The following MAGI1 variants were observed in gnomAD, a reference collection of about 807,000 sequenced individuals.
MAGI1 encodes membrane-associated guanylate kinase, WW and PDZ domain-containing protein 1.
Under a neutral mutation model 139.9 loss-of-function variants are expected in MAGI1, and 58 were observed. That is an observed-to-expected ratio of 0.41 (90% CI 0.34 to 0.52). The LOEUF (loss-of-function observed/expected upper bound fraction) is 0.52. MAGI1 is among the 20% of genes least tolerant of loss of function. The pLI, the probability that MAGI1 is intolerant of heterozygous loss-of-function variation, is 0.12. For missense variants in MAGI1, 1,874 were observed against 1,901.6 expected, an observed-to-expected ratio of 0.99 and a Z score of 0.27; for synonymous variants, 812 against 737.9, an observed-to-expected ratio of 1.10 and a Z score of -1.63.
At chr3:65,690,824 T>C (rs369497140) in intron 1 of MAGI1, among the ~76,000 whole-genome samples, 3 of 123,238 alleles carry the variant, frequency 2.4e-5, no homozygotes, top group East Asian at 4.5e-4. Flanking sequence ...TATTATAGTC[T>C]ATGTTAAAAA....
chr3:65,437,174 G>A lies in MAGI1; in HGVS notation c.1344C>T (p.Ala448=). 6.2e-7 allele frequency: 1 copy of A among 1,608,326 alleles called. No homozygotes were observed. Among genetic ancestry groups the A allele is most frequent in the Non-Finnish European group, 8.5e-7 (1 of 1,175,180 alleles). ...CTTTACCCTGAAGTGGAACTTCTCTGGCTGGCTCTGGATTGCTTGGAGGGT... is the reference window on the plus strand; with the variant it reads ...CTTTACCCTGAAGTGGAACTTCTCTAGCTGGCTCTGGATTGCTTGGAGGGT... ...PNHPPSNPEP[A]REVPLQGKPF... Residue 448 remains alanine, a synonymous_variant, in exon 10 of 23, where the codon GCC becomes GCT. Coordinates refer to ENST00000402939, the MANE Select transcript of MAGI1 (RefSeq NM_001033057.2).
At chr3:66,014,769 T>A (rs945443046) in intron 1 of MAGI1, among the ~76,000 whole-genome samples, 2 of 152,198 alleles carry the variant, frequency 1.3e-5, no homozygotes, top group Non-Finnish European at 2.9e-5. Flanking sequence ...AAAGGACACA[T>A]GCTATCTCAT....
At chr3:65,716,577 T>C (rs73832932) in intron 1 of MAGI1, among the ~76,000 whole-genome samples, 1,735 of 152,282 alleles carry the variant, frequency 0.011, 34 homozygotes, top group African/African-American at 0.04. Context: ...AATTCCCAGC[T>C]CTTTAAAATC....
chr3:65,655,514 T>C (rs558614469), intron 1 of MAGI1, among the ~76,000 whole-genome samples: 10 of 152,288 alleles, frequency 6.6e-5, no homozygotes, highest in African/African-American at 2.4e-4. Context: ...GATCTATTAA[T>C]TCAAAGAGTT....
chr3:65,799,988 G>A (rs562515163), intron 1 of MAGI1, among the ~76,000 whole-genome samples: 15 of 152,246 alleles, frequency 9.9e-5, no homozygotes, highest in African/African-American at 2.6e-4. Context: ...TTAATACTAC[G>A]TTTCCCAATT....
At chr3:65,850,554 G>C (rs1474932084) in intron 1 of MAGI1, among the ~76,000 whole-genome samples, 1 of 152,182 alleles carries the variant, frequency 6.6e-6, no homozygotes, top group African/African-American at 2.4e-5. Context: ...TTAAAACAAA[G>C]ATATATAATA....
At chr3:65,521,889 A>G (rs986976352) in intron 2 of MAGI1, among the ~76,000 whole-genome samples, 1 of 152,184 alleles carries the variant, frequency 6.6e-6, no homozygotes, top group Non-Finnish European at 1.5e-5. Context: ...CTGATTGCTT[A>G]TTTCAATGGG....
At chr3:65,406,650 G>T (rs1011699266) in intron 12 of MAGI1, among the ~76,000 whole-genome samples, 2 of 151,810 alleles carry the variant, frequency 1.3e-5, no homozygotes, top group Non-Finnish European at 2.9e-5. Flanking sequence ...GAACACATGG[G>T]ATACCTTACA....
intron 1 of MAGI1, among the ~76,000 whole-genome samples, chr3:65,973,312 C>T (rs1266569161): frequency 2.6e-5 from 4 of 152,098 alleles, no homozygotes; most frequent in African/African-American, 7.2e-5. Context: ...AGTTCTCTAA[C>T]CTGGTATTTT....
At chr3:65,429,418 A>T in intron 12 of MAGI1, 102 bp downstream of exon 12, 1 of 1,214,414 alleles carries the variant, frequency 8.2e-7, no homozygotes, top group Non-Finnish European at 1.1e-6. Context: ...TGAAACATTT[A>T]AATAAATTTA....
At chr3:65,766,643 A>T (rs1015233192) in intron 1 of MAGI1, among the ~76,000 whole-genome samples, 2 of 152,064 alleles carry the variant, frequency 1.3e-5, no homozygotes, top group African/African-American at 2.4e-5. Flanking sequence ...TAATCCCAAC[A>T]CTTTGGGAGG....
At chr3:65,785,419 G>A (rs758358465) in intron 1 of MAGI1, among the ~76,000 whole-genome samples, 3 of 152,114 alleles carry the variant, frequency 2.0e-5, no homozygotes, top group Admixed American at 6.5e-5. Context: ...TTGGTGACAG[G>A]TTGAAAAATC....
At chr3:65,574,281 G>T (rs2108085423) in intron 2 of MAGI1, among the ~76,000 whole-genome samples, 1 of 150,256 alleles carries the variant, frequency 6.7e-6, no homozygotes, top group African/African-American at 2.4e-5. Context: ...TGCTTGCCAT[G>T]GGGGTTTTCT....
intron 1 of MAGI1, among the ~76,000 whole-genome samples, chr3:65,975,092 TAA>T (rs35610967): frequency 7.5e-5 from 11 of 147,262 alleles, no homozygotes; most frequent in South Asian, 2.1e-4. Flanking sequence ...AATAGCTATT[TAA>T]AAAAAAAAAA....
intron 2 of MAGI1, among the ~76,000 whole-genome samples, chr3:65,519,028 C>A (rs2078029564): frequency 1.3e-5 from 2 of 152,018 alleles, no homozygotes; most frequent in Admixed American, 6.6e-5. Context: ...GAGCCATGGG[C>A]CAGGCCTGGA....
At chr3:65,871,496 G>A (rs1003923539) in intron 1 of MAGI1, among the ~76,000 whole-genome samples, 3 of 152,188 alleles carry the variant, frequency 2.0e-5, no homozygotes, top group African/African-American at 7.2e-5. Context: ...GGGAAAGAGA[G>A]GAAAATAACT....
chr3:65,645,870 G>T (rs1436663830), intron 1 of MAGI1, among the ~76,000 whole-genome samples: 1 of 151,622 alleles, frequency 6.6e-6, no homozygotes, highest in African/African-American at 2.4e-5. Context: ...TATATATAAT[G>T]TAACACATAA....
chr3:65,733,638 A>C (rs747735767), intron 1 of MAGI1, among the ~76,000 whole-genome samples: 1 of 152,208 alleles, frequency 6.6e-6, no homozygotes, highest in Non-Finnish European at 1.5e-5. Context: ...GATGTAGCAG[A>C]TGTGGTAATT....
At chr3:65,950,293 T>A (rs1053540226) in intron 1 of MAGI1, among the ~76,000 whole-genome samples, 2 of 151,876 alleles carry the variant, frequency 1.3e-5, no homozygotes, top group African/African-American at 2.4e-5. Flanking sequence ...AGACCACTCC[T>A]GAAAAGGAAA....
Sources: gnomAD v4.1 joint callset for allele counts (sites outside exome capture counted in the v4.1 genomes callset) on GRCh38, gnomAD v4.1.1 for gene constraint, MANE v1.5 for transcripts, NCBI Gene and HGNC (gene_info 2026-07-23, HGNC 2026-07-21) for gene names.